Variants in CAST observed in about 807,000 individuals in gnomAD.
CAST encodes the protein MIR583 host.
Under a neutral mutation model 119.6 loss-of-function variants are expected in CAST, and 76 were observed. The observed-to-expected ratio is 0.64, with a 90% CI of 0.53 to 0.77. The LOEUF is 0.77. CAST is among the 30% of genes least tolerant of loss of function. CAST has a pLI of 0.00. For missense variants in CAST, 953 were observed against 946.5 expected, an observed-to-expected ratio of 1.01 and a Z score of -0.09; for synonymous variants, 319 against 331.6, an observed-to-expected ratio of 0.96 and a Z score of 0.41.
the CAST span, among the ~76,000 whole-genome samples, chr5:96,262,775 T>A: frequency 6.6e-6 from 1 of 152,164 alleles, no homozygotes; most frequent in Non-Finnish European, 1.5e-5. Context: ...GACCTCGTGA[T>A]CCGCCTGCCT....
chr5:96,015,172 T>C, the CAST span, among the ~76,000 whole-genome samples: 1 of 152,200 alleles, frequency 6.6e-6, no homozygotes, highest in Admixed American at 6.5e-5. Context: ...GAAGTTATTT[T>C]TTAAAGGTAT....
chr5:96,365,971 G>T, the CAST span, among the ~76,000 whole-genome samples: 7 of 152,164 alleles, frequency 4.6e-5, no homozygotes, highest in African/African-American at 9.7e-5. Flanking sequence ...GGTACCAGTT[G>T]TTCCTTTCCA....
At chr5:96,706,403 TA>T (rs1754984404) in intron 3 of CAST, among the ~76,000 whole-genome samples, 1 of 152,110 alleles carries the variant, frequency 6.6e-6, no homozygotes, top group Non-Finnish European at 1.5e-5. Context: ...AAGAGCAATG[TA>T]AAAAGTGTTA....
the CAST span, among the ~76,000 whole-genome samples, chr5:96,179,910 G>T: frequency 1.3e-5 from 2 of 152,066 alleles, no homozygotes; most frequent in East Asian, 3.9e-4. Context: ...GGTGGCGGGT[G>T]CCATAGTCCC....
At chr5:96,164,659 C>T in the CAST span, among the ~76,000 whole-genome samples, 1 of 151,834 alleles carries the variant, frequency 6.6e-6, no homozygotes, top group African/African-American at 2.4e-5. Context: ...ATAGCCTGAA[C>T]GTTGTGTTAG....
chr5:96,555,283 A>G (rs774128960), intron 1 of CAST, among the ~76,000 whole-genome samples: 6 of 152,214 alleles, frequency 3.9e-5, no homozygotes, highest in Non-Finnish European at 7.3e-5. Flanking sequence ...GCTCCAGTCT[A>G]CAGCTCCCAG....
At chr5:96,651,930 GTGT>G (rs1269498157) in intron 1 of CAST, among the ~76,000 whole-genome samples, 1 of 152,162 alleles carries the variant, frequency 6.6e-6, no homozygotes, top group African/African-American at 2.4e-5. Context: ...TATTTAATCT[GTGT>G]GTTAAATCAG....
the CAST span, among the ~76,000 whole-genome samples, chr5:96,022,840 A>G: frequency 6.6e-6 from 1 of 152,180 alleles, no homozygotes; most frequent in South Asian, 2.1e-4. Flanking sequence ...CTTCTTCTCC[A>G]GGAAACCTCT....
At chr5:96,508,011 T>G in the CAST span, among the ~76,000 whole-genome samples, 2 of 148,722 alleles carry the variant, frequency 1.3e-5, no homozygotes, top group Non-Finnish European at 3.0e-5. Flanking sequence ...TTATTATTAT[T>G]ATTATTATTA....
chr5:96,249,181 T>C, the CAST span, among the ~76,000 whole-genome samples: 1 of 152,230 alleles, frequency 6.6e-6, no homozygotes, highest in Admixed American at 6.5e-5. Flanking sequence ...GGTGGAGAAA[T>C]ATTTAAAATT....
chr5:96,474,959 A>G, the CAST span, among the ~76,000 whole-genome samples: 1 of 152,214 alleles, frequency 6.6e-6, no homozygotes, highest in Non-Finnish European at 1.5e-5. Context: ...TGTGCTGATT[A>G]ATATAATAAG....
intron 24 of CAST, 89 bp downstream of exon 24, chr5:96,757,743 TAC>T (rs1766652927): frequency 1.2e-6 from 1 of 838,804 alleles, no homozygotes; most frequent in South Asian, 1.6e-5. Context: ...CAGGCGGGAG[TAC>T]AGTGGTGCCA....
chr5:96,708,508 T>C (rs1436791654), intron 3 of CAST, among the ~76,000 whole-genome samples: 2 of 152,198 alleles, frequency 1.3e-5, no homozygotes, highest in African/African-American at 2.4e-5. Flanking sequence ...CTTTTTTCTT[T>C]GAGACAGGGT....
intron 1 of CAST, among the ~76,000 whole-genome samples, chr5:96,662,701 T>TG (rs1457418590): frequency 4.9e-5 from 7 of 141,762 alleles, no homozygotes; most frequent in Non-Finnish European, 1.1e-4. Context: ...TCCAGTGCGC[T>TG]GGGCGTGGCG....
At chr5:96,328,141 C>A in the CAST span, among the ~76,000 whole-genome samples, 1 of 152,108 alleles carries the variant, frequency 6.6e-6, no homozygotes, top group East Asian at 1.9e-4. Flanking sequence ...TTTTCATTGA[C>A]GATTAAAGAT....
chr5:96,444,669 C>G, the CAST span, among the ~76,000 whole-genome samples: 3 of 151,666 alleles, frequency 2.0e-5, no homozygotes, highest in African/African-American at 7.3e-5. Context: ...TCTTCCTGTT[C>G]TTCTCTCATG....
chr5:96,502,547 A>G, the CAST span, among the ~76,000 whole-genome samples: 1 of 152,088 alleles, frequency 6.6e-6, no homozygotes, highest in Non-Finnish European at 1.5e-5. Flanking sequence ...TCAAAGATGT[A>G]TAAAAAAAAT....
At chr5:96,703,274 CT>C (rs1353119040) in intron 3 of CAST, among the ~76,000 whole-genome samples, 3 of 152,096 alleles carry the variant, frequency 2.0e-5, no homozygotes, top group Admixed American at 6.5e-5. Context: ...AAAGCAGCAG[CT>C]ATGTCAGTTT....
intron 1 of CAST, among the ~76,000 whole-genome samples, chr5:96,631,726 G>T (rs1317855836): frequency 1.1e-4 from 17 of 152,068 alleles, no homozygotes; most frequent in Non-Finnish European, 1.5e-5. Flanking sequence ...TAGAGATGGG[G>T]TTTCACCGTG....
Sources: allele counts gnomAD v4.1 joint callset (sites outside exome capture counted in the v4.1 genomes callset), GRCh38; gene constraint gnomAD v4.1.1; transcripts MANE v1.5; gene names NCBI Gene and HGNC (gene_info 2026-07-23, HGNC 2026-07-21).